The following MGAT1 variants were observed in gnomAD, a reference collection of about 807,000 sequenced individuals.
MGAT1 encodes the protein N-glycosyl-oligosaccharide-glycoprotein N-acetylglucosaminyltransferase I.
Under a neutral mutation model 31.7 loss-of-function variants are expected in MGAT1, and 14 were observed. The observed-to-expected ratio is 0.44, with a 90% CI of 0.29 to 0.69. The LOEUF (loss-of-function observed/expected upper bound fraction) is 0.69. Among genes scored for constraint, MGAT1 ranks in the 30% least tolerant of loss-of-function variants. MGAT1 has a pLI of 0.12. For synonymous variants in MGAT1, 338 were observed against 276.0 expected, an observed-to-expected ratio of 1.22 and a Z score of -2.23; for missense variants, 557 against 626.0, an observed-to-expected ratio of 0.89 and a Z score of 1.18.
chr5:180,796,457 G>A (rs945077642), intron 1 of MGAT1, among the ~76,000 whole-genome samples: 1 of 152,156 alleles, frequency 6.6e-6, no homozygotes, highest in Non-Finnish European at 1.5e-5. Flanking sequence ...GAGAAATTCA[G>A]GGCAAACGTC....
chr5:180,810,537 T>A (rs1042774284), intron 1 of MGAT1: 1 of 152,034 alleles, frequency 6.6e-6, no homozygotes, highest in Non-Finnish European at 1.5e-5. Context: ...GCCCTTGGGG[T>A]GCTGGGCGGA....
At chr5:180,802,393 G>A (rs988000553) in intron 1 of MGAT1, among the ~76,000 whole-genome samples, 1 of 151,888 alleles carries the variant, frequency 6.6e-6, no homozygotes, top group Non-Finnish European at 1.5e-5. Context: ...ACGGACGCCC[G>A]GGGCCGAGTT....
At chr5:180,812,764 T>TA (rs539131280) in intron 1 of MGAT1, among the ~76,000 whole-genome samples, 28 of 152,354 alleles carry the variant, frequency 1.8e-4, no homozygotes, top group African/African-American at 6.0e-4. Context: ...AATGAGCAAT[T>TA]ACAATTTAAT....
chr5:180,810,789 G>A (rs1298202256), intron 1 of MGAT1: 2 of 152,418 alleles, frequency 1.3e-5, no homozygotes, highest in African/African-American at 2.4e-5. Context: ...GTGGAGGAAG[G>A]TTTTGTTTCG....
In MGAT1 at chr5:180,788,293, G is replaced by A. The variant is rs1384208783; in HGVS notation, c.*3341C>T. The A allele has an allele frequency of 1.3e-5, 2 of 152,122 alleles. No individual in the cohort carries two copies. Among genetic ancestry groups the A allele is most frequent in the Non-Finnish European group, 2.9e-5 (2 of 68,174 alleles). The allele number at this position is 152,122 out of a possible 1,614,324, so 9.4% of individuals were successfully genotyped here. A position where few individuals can be genotyped will look rare whatever the true frequency, so the allele number is the denominator to read the frequency against. The stretch of plus-strand genomic sequence containing the variant: ...AGAACCCAGTCTTTCGTCTTGTAAG[G>A]GGGTCCTCTGGCACCGCAGGCCCCA... On this transcript the variant is annotated 3_prime_UTR_variant, in exon 2 of 2. Transcript: ENST00000307826.
chr5:180,811,927 G>C (rs571935751), intron 1 of MGAT1, among the ~76,000 whole-genome samples: 19 of 152,268 alleles, frequency 1.2e-4, no homozygotes, highest in Admixed American at 1.2e-3. Flanking sequence ...GAACCCTTCA[G>C]CTCTTTCAAA....
rs773672393 is a variant in MGAT1 at position 180,791,676 on chromosome 5, C to G, written c.1296G>C (p.Ala432=). 6.2e-7 allele frequency: 1 copy of G among 1,613,774 alleles called. No individual in the cohort carries two copies. Among genetic ancestry groups the G allele is most frequent in the Non-Finnish European group, 8.5e-7 (1 of 1,179,986 alleles). ...FQFRGRRVHL[A]PPLTWEGYDP... The stretch of plus-strand genomic sequence containing the variant: ...CATAGCCCTCCCACGTCAGTGGGGG[C>G]GCCAGGTGGACACGGCGGCCCCGGA... The change falls in exon 2 of 2, where the codon GCG becomes GCC. Residue 432 remains alanine, a synonymous_variant. Coordinates refer to ENST00000307826, the MANE Select transcript of MGAT1 (RefSeq NM_002406.4).
intron 1 of MGAT1, among the ~76,000 whole-genome samples, chr5:180,796,029 C>G (rs1238852276): frequency 8.5e-6 from 1 of 117,954 alleles, no homozygotes; most frequent in Admixed American, 7.9e-5. Flanking sequence ...ACTGTCCTGC[C>G]TCTGGTCTAC....
At chr5:180,795,807 T>A (rs1485677204) in intron 1 of MGAT1, 1 of 152,206 alleles carries the variant, frequency 6.6e-6, no homozygotes, top group Middle Eastern at 3.2e-3. Context: ...ATTGAGATGA[T>A]CTGTTTGCCC....
At chr5:180,811,899 C>T (rs1363699071) in intron 1 of MGAT1, among the ~76,000 whole-genome samples, 1 of 152,216 alleles carries the variant, frequency 6.6e-6, no homozygotes, top group Non-Finnish European at 1.5e-5. Flanking sequence ...AACACCCCTT[C>T]CAGGCATTTC....
upstream of MGAT1, chr5:180,802,895 CAGCCCCGCCG>C (rs1323418524): frequency 1.4e-5 from 2 of 146,028 alleles, no homozygotes; most frequent in African/African-American, 2.5e-5. Flanking sequence ...GCGTGACCGA[CAGCCCCGCCG>C]CGCCCCGCCC....
chr5:180,796,839 T>A (rs564118552), intron 1 of MGAT1, among the ~76,000 whole-genome samples: 1 of 152,216 alleles, frequency 6.6e-6, no homozygotes, highest in African/African-American at 2.4e-5. Flanking sequence ...GTTGAACTCC[T>A]GACCTCAAGT....
chr5:180,795,479 A>G (rs1769163883), intron 1 of MGAT1: 1 of 152,198 alleles, frequency 6.6e-6, no homozygotes. Context: ...GTGATAACTG[A>G]TTAATTCCAA....
intron 1 of MGAT1, among the ~76,000 whole-genome samples, chr5:180,796,271 G>T (rs1471103378): frequency 3.3e-5 from 5 of 152,114 alleles, no homozygotes; most frequent in Non-Finnish European, 5.9e-5. Context: ...ACCAGCCCCT[G>T]CCAGCATTCA....
At chr5:180,811,287 T>C (rs1041746056) in intron 1 of MGAT1, 1 of 152,234 alleles carries the variant, frequency 6.6e-6, no homozygotes. Context: ...GGGAATGTAA[T>C]GGTTGCTGCG....
chr5:180,792,883 G>C lies in MGAT1; in HGVS notation c.89C>G (p.Thr30Arg). Reference sequence around the variant, plus strand: ...GGGTGGCCTGCCAGGTGCTGGGCGCGTCCAGAAGAAGAGGAGCAGCAGGGC... The same window carrying C: ...GGGTGGCCTGCCAGGTGCTGGGCGCCTCCAGAAGAAGAGGAGCAGCAGGGC... ...WNALLLLFFWTRPAPGRPPSV... is the reference protein window; with the variant it reads ...WNALLLLFFWRRPAPGRPPSV... The change falls in exon 2 of 2, where the codon ACG (threonine) becomes AGG (arginine). Residue 30 changes from threonine (T) to arginine (R), a missense_variant. Thr to Arg is a moderately conservative substitution (Grantham distance 71). Around this residue, in one of 3 missense-constraint regions of MGAT1, gnomAD observed 167 missense variants for 149.8 expected, o/e 1.11. Coordinates refer to ENST00000307826, the MANE Select transcript of MGAT1 (RefSeq NM_002406.4). The C allele has an allele frequency of 6.3e-7, 1 of 1,599,142 alleles. No homozygotes were observed. The highest frequency in any genetic ancestry group is 8.5e-7 in the Non-Finnish European group (1 of 1,173,564).
chr5:180,807,473 A>T (rs183700132), upstream of MGAT1, among the ~76,000 whole-genome samples: 1 of 152,378 alleles, frequency 6.6e-6, no homozygotes, highest in East Asian at 1.9e-4. Flanking sequence ...CTGAGAAAAT[A>T]CAAAGGGCGA....
chr5:180,814,863 C>T (rs1175078869), intron 1 of MGAT1, among the ~76,000 whole-genome samples: 5 of 151,760 alleles, frequency 3.3e-5, no homozygotes, highest in Non-Finnish European at 5.9e-5. Flanking sequence ...TCGCTTGAAC[C>T]CGGGGGGGCG....
intron 1 of MGAT1, among the ~76,000 whole-genome samples, chr5:180,797,429 A>AGG (rs796983204): frequency 2.0e-3 from 181 of 90,354 alleles, no homozygotes; most frequent in East Asian, 0.01. Context: ...AAAAAAAAAA[A>AGG]GGGGGGGGGG....
Sources: allele counts gnomAD v4.1 joint callset (sites outside exome capture counted in the v4.1 genomes callset), GRCh38; gene constraint gnomAD v4.1.1; regional missense constraint gnomAD v4.1.1; transcripts MANE v1.5; gene names NCBI Gene and HGNC (gene_info 2026-07-23, HGNC 2026-07-21).